The following PCDH7 variants were observed in gnomAD, a reference collection of about 807,000 sequenced individuals.
The protein encoded by PCDH7 is protocadherin 7.
In PCDH7, 17 loss-of-function variants were observed where a neutral mutation model predicts 58.9. That is an observed-to-expected ratio of 0.29 (90% CI 0.20 to 0.43). The LOEUF is 0.43. Ranked by LOEUF, PCDH7 falls within the 20% of genes least tolerant of loss-of-function variation. PCDH7 has a pLI of 1.00. For synonymous variants in PCDH7, 664 were observed against 616.4 expected (o/e 1.08, Z -1.14); for missense variants, 1,274 against 1,441.0 (o/e 0.88, Z 1.88).
chr4:31,116,155 A>G (rs982344519), intron 3 of PCDH7, among the ~76,000 whole-genome samples: 3 of 152,180 alleles, frequency 2.0e-5, no homozygotes, highest in African/African-American at 7.2e-5. Context: ...TGACACTACA[A>G]GAGTCTGTTT....
At chr4:31,123,471 A>T (rs1330310910) in intron 3 of PCDH7, among the ~76,000 whole-genome samples, 3 of 152,068 alleles carry the variant, frequency 2.0e-5, no homozygotes, top group Admixed American at 1.3e-4. Context: ...CGGGAGGAAA[A>T]GCATGCAGGT....
intron 3 of PCDH7, among the ~76,000 whole-genome samples, chr4:31,083,035 G>A (rs1397256452): frequency 5.3e-5 from 8 of 152,180 alleles, no homozygotes; most frequent in African/African-American, 1.9e-4. Context: ...GTGAACCTGG[G>A]AGGTGGAGCT....
At chr4:30,848,145 C>G (rs1732233022) in intron 1 of PCDH7, among the ~76,000 whole-genome samples, 1 of 152,110 alleles carries the variant, frequency 6.6e-6, no homozygotes, top group African/African-American at 2.4e-5. Flanking sequence ...CAATCACATT[C>G]CCTTCTCTGG....
chr4:31,085,977 G>A (rs1053720271), intron 3 of PCDH7, among the ~76,000 whole-genome samples: 1 of 151,594 alleles, frequency 6.6e-6, no homozygotes, highest in African/African-American at 2.4e-5. Context: ...TTTAAAGAAT[G>A]CCAGGAAGTA....
chr4:31,135,290 A>G (rs145123864), intron 3 of PCDH7, among the ~76,000 whole-genome samples: 2,467 of 152,332 alleles, frequency 0.016, 41 homozygotes, highest in South Asian at 0.032. Context: ...TTCAAGTGAA[A>G]TCATTAATCG....
At chr4:30,982,851 T>G (rs1239718202) in intron 3 of PCDH7, among the ~76,000 whole-genome samples, 1 of 152,104 alleles carries the variant, frequency 6.6e-6, no homozygotes, top group Non-Finnish European at 1.5e-5. Context: ...CTAGAGAGAG[T>G]ACTGCAGAGT....
chr4:30,842,925 TA>T, intron 1 of PCDH7, among the ~76,000 whole-genome samples: 1 of 152,272 alleles, frequency 6.6e-6, no homozygotes, highest in Non-Finnish European at 1.5e-5. Context: ...TTTGTCTACT[TA>T]TTCTATTGTT....
intron 3 of PCDH7, among the ~76,000 whole-genome samples, chr4:30,958,480 G>T (rs1366712259): frequency 6.6e-6 from 1 of 151,738 alleles, no homozygotes; most frequent in Non-Finnish European, 1.5e-5. Flanking sequence ...ATAACTTAAG[G>T]TGATTCAAAT....
chr4:30,995,729 CT>C (rs1751843222), intron 3 of PCDH7, among the ~76,000 whole-genome samples: 1 of 152,212 alleles, frequency 6.6e-6, no homozygotes, highest in East Asian at 1.9e-4. Context: ...CTTTTCTTGC[CT>C]TTTTCAGCTT....
At position 30,725,253 on chromosome 4, in the gene PCDH7, T is replaced by C. The variant is rs964938836; in HGVS notation, c.3174+657T>C. ...GATACCTATAACAATTAGTGTTCTA[T>C]AATGATATGCAATTACCATTTGCAT... On this transcript the variant is annotated intron_variant, in intron 1 of 1. Transcript: ENST00000361762. 9 of 993,044 alleles carry C rather than the reference T, an allele frequency of 9.1e-6. No individual in the cohort carries two copies. The Admixed American group carries it at 4.9e-4, about 54-fold the overall frequency. 61.5% of individuals were successfully genotyped at this position (993,044 alleles called of 1,614,324 possible).
rs1428903499 is a variant in PCDH7, at chr4:30,722,896, C to A, written c.1474C>A (p.Pro492Thr). 1 of 1,613,748 alleles carries A rather than the reference C, an allele frequency of 6.2e-7. No homozygotes were observed. The highest frequency in any genetic ancestry group is 1.7e-5 in the Admixed American group (1 of 60,002). Residue 492 changes from proline (P) to threonine (T), a missense_variant, in exon 1 of 2, where the codon CCT becomes ACT. By Grantham distance (38) the Pro-to-Thr change is conservative. Coordinates refer to ENST00000361762, the Ensembl canonical transcript of PCDH7. The surrounding 1 kb of genome is among the most constrained non-coding windows in gnomAD (Gnocchi z 7.6). ...AAAGTACTTCTTGCACACCTCGACC[C>A]CTCTGGACTATGAGGCCACCCGGGA...
At chr4:30,781,083 T>C (rs892038592) in intron 1 of PCDH7, among the ~76,000 whole-genome samples, 2 of 152,220 alleles carry the variant, frequency 1.3e-5, no homozygotes, top group African/African-American at 2.4e-5. Flanking sequence ...GTGCTTTGTA[T>C]TTCCTTCCAT....
intron 3 of PCDH7, among the ~76,000 whole-genome samples, chr4:31,114,950 C>G (rs1716814557): frequency 2.0e-5 from 3 of 152,122 alleles, no homozygotes; most frequent in African/African-American, 7.2e-5. Flanking sequence ...TTCTTTTTCT[C>G]CCATTAGCTA....
chr4:30,888,748 T>C, intron 1 of PCDH7, among the ~76,000 whole-genome samples: 1 of 152,166 alleles, frequency 6.6e-6, no homozygotes, highest in Non-Finnish European at 1.5e-5. Context: ...GAAATTGGAC[T>C]GGAGAGTGGT....
rs1023137238 is a variant in PCDH7, at chr4:30,803,516, C to A, written c.70+78920C>A. ...GCAGTGGCATCATTATGGCTCACTG[C>A]AACCTCAAACTCCGGCGCTCAAGAG... On this transcript the variant is annotated intron_variant, in intron 1 of 3. Coordinates refer to the PCDH7 transcript ENST00000509759. Among the ~76,000 whole-genome samples the A allele has an allele frequency of 2.6e-5, 4 of 152,186 alleles. 1 individual carries two copies. The highest frequency in any genetic ancestry group is 6.5e-5 in the Admixed American group (1 of 15,290).
Position 30,741,585 on chromosome 4 carries a change from C to T in PCDH7, c.70+16989C>T, listed in dbSNP as rs544223767. Among the ~76,000 whole-genome samples the T allele has an allele frequency of 2.0e-5, 3 of 152,314 alleles. No homozygotes were observed. In the South Asian group the frequency reaches 6.2e-4, roughly 32 times the overall value. ...AATTGTAAGGAACCCAGTCAATCCCCTGCAGGTCCCAATGCCCAACATATA... is the reference window on the plus strand; with the variant it reads ...AATTGTAAGGAACCCAGTCAATCCCTTGCAGGTCCCAATGCCCAACATATA... On this transcript the variant is annotated intron_variant, in intron 1 of 3. Transcript: ENST00000509759.
chr4:30,743,551 G>A (rs1379901825), intron 1 of PCDH7, among the ~76,000 whole-genome samples: 4 of 151,940 alleles, frequency 2.6e-5, no homozygotes, highest in African/African-American at 9.7e-5. Context: ...AAGGTACTAA[G>A]GGAATATAGA....
chr4:31,082,724 A>G (rs1188737512), intron 3 of PCDH7, among the ~76,000 whole-genome samples: 1 of 141,952 alleles, frequency 7.0e-6, no homozygotes, highest in African/African-American at 2.5e-5. Flanking sequence ...GAACTAAGCT[A>G]TGAGTTCACA....
intron 1 of PCDH7, among the ~76,000 whole-genome samples, chr4:30,794,363 T>C (rs1724517816): frequency 6.6e-6 from 1 of 152,202 alleles, no homozygotes; most frequent in South Asian, 2.1e-4. Context: ...TGGCCTCCTG[T>C]TTTAGGACTG....
Sources: gnomAD v4.1 joint callset for allele counts (sites outside exome capture counted in the v4.1 genomes callset) on GRCh38, gnomAD v4.1.1 for gene constraint, Gnocchi (gnomAD v3.1) non-coding constraint, MANE v1.5 for transcripts, NCBI Gene and HGNC (gene_info 2026-07-23, HGNC 2026-07-21) for gene names.